ZRANB3: variants seen among roughly 807,000 people sequenced by gnomAD.
ZRANB3 encodes the protein zinc finger RANBP2-type containing 3, also known as DNA annealing helicase and endonuclease ZRANB3.
Under a neutral mutation model 133.8 loss-of-function variants are expected in ZRANB3, and 125 were observed. The ratio of observed to expected loss-of-function variants is 0.93; its 90% confidence interval spans 0.81 to 1.08. The LOEUF (loss-of-function observed/expected upper bound fraction) is 1.08, where lower values mean the gene tolerates loss of function less well. ZRANB3 is among the 50% of genes least tolerant of loss of function. The pLI is 0.00. For synonymous variants in ZRANB3, 387 were observed against 432.7 expected, an observed-to-expected ratio of 0.89 and a Z score of 1.31; for missense variants, 1,229 against 1,275.5, an observed-to-expected ratio of 0.96 and a Z score of 0.56.
intron 2 of ZRANB3, among the ~76,000 whole-genome samples, chr2:135,474,416 G>T (rs117652903): frequency 6.6e-6 from 1 of 152,116 alleles, no homozygotes; most frequent in Non-Finnish European, 1.5e-5. Flanking sequence ...AATGGTGGAG[G>T]TAGGGTATCG....
At chr2:135,356,921 C>T (rs889755439) in intron 3 of ZRANB3, among the ~76,000 whole-genome samples, 3 of 151,926 alleles carry the variant, frequency 2.0e-5, no homozygotes, top group Non-Finnish European at 2.9e-5. Flanking sequence ...TGAGCTCAAG[C>T]GATCCACCTA....
At chr2:135,473,148 T>A (rs1215612842) in intron 2 of ZRANB3, among the ~76,000 whole-genome samples, 3 of 152,214 alleles carry the variant, frequency 2.0e-5, no homozygotes, top group African/African-American at 7.2e-5. Flanking sequence ...AAATGATAAT[T>A]CTCATGATGT....
At chr2:135,438,028 T>C (rs1160726346) in intron 2 of ZRANB3, among the ~76,000 whole-genome samples, 1 of 152,124 alleles carries the variant, frequency 6.6e-6, no homozygotes, top group Non-Finnish European at 1.5e-5. Flanking sequence ...CTCTGGGACA[T>C]GTGTGCTCCT....
At chr2:135,444,546 C>T (rs1357248296) in intron 2 of ZRANB3, among the ~76,000 whole-genome samples, 1 of 151,846 alleles carries the variant, frequency 6.6e-6, no homozygotes. Flanking sequence ...AAAATAGGAA[C>T]CCCCCAAAAA....
At chr2:135,281,350 T>G (rs1475337072) in intron 8 of ZRANB3, among the ~76,000 whole-genome samples, 1 of 143,788 alleles carries the variant, frequency 7.0e-6, no homozygotes, top group African/African-American at 2.6e-5. Context: ...TTTTAAGCTC[T>G]TTTTTTTTTT....
chr2:135,430,397 C>G (rs1443077216), intron 2 of ZRANB3, among the ~76,000 whole-genome samples: 3 of 151,156 alleles, frequency 2.0e-5, no homozygotes, highest in Non-Finnish European at 4.4e-5. Context: ...TCAATAAATA[C>G]TGCTTGACTT....
At chr2:135,384,602 C>T (rs1252464695) in intron 3 of ZRANB3, among the ~76,000 whole-genome samples, 1 of 152,198 alleles carries the variant, frequency 6.6e-6, no homozygotes, top group Non-Finnish European at 1.5e-5. Context: ...CAATAAAATA[C>T]TGGCAAACCG....
chr2:135,501,417 GA>G, intron 2 of ZRANB3, among the ~76,000 whole-genome samples: 1 of 152,038 alleles, frequency 6.6e-6, no homozygotes. Context: ...TTCTTTGTCT[GA>G]AAATTCTTTA....
chr2:135,204,263 T>C (rs1186536326), intron 19 of ZRANB3, among the ~76,000 whole-genome samples: 1 of 152,190 alleles, frequency 6.6e-6, no homozygotes. Context: ...TTTTTGTTTT[T>C]GAGGTTGGCA....
intron 17 of ZRANB3, among the ~76,000 whole-genome samples, chr2:135,212,214 C>T (rs1694120289): frequency 6.6e-6 from 1 of 152,200 alleles, no homozygotes; most frequent in Non-Finnish European, 1.5e-5. Flanking sequence ...AGTTAAAGCA[C>T]AGTAAATTGT....
chr2:135,347,762 T>C (rs1358731056), intron 5 of ZRANB3, among the ~76,000 whole-genome samples: 3 of 152,140 alleles, frequency 2.0e-5, no homozygotes, highest in Non-Finnish European at 4.4e-5. Context: ...TTAGAGAACA[T>C]TTTGAGATAA....
chr2:135,237,074 T>G (rs1331858810), intron 12 of ZRANB3, among the ~76,000 whole-genome samples: 29 of 150,370 alleles, frequency 1.9e-4, no homozygotes, highest in East Asian at 5.8e-4. Context: ...AATCTACAAT[T>G]AACTCAAACA....
At chr2:135,287,669 C>CTTTTTTT (rs1681450202) in intron 8 of ZRANB3, among the ~76,000 whole-genome samples, 1 of 101,672 alleles carries the variant, frequency 9.8e-6, no homozygotes, top group Admixed American at 1.0e-4. Flanking sequence ...ATATTTCTTT[C>CTTTTTTT]CTTTTTTTTT....
chr2:135,444,017 A>C (rs1689908971), intron 2 of ZRANB3, among the ~76,000 whole-genome samples: 1 of 152,174 alleles, frequency 6.6e-6, no homozygotes, highest in South Asian at 2.1e-4. Context: ...GCAAACAAGC[A>C]CATGAAAAGC....
intron 2 of ZRANB3, among the ~76,000 whole-genome samples, chr2:135,424,367 G>A (rs1002296409): frequency 1.3e-5 from 2 of 152,008 alleles, no homozygotes; most frequent in African/African-American, 4.8e-5. Flanking sequence ...TCTAATATCT[G>A]AACAATGTAG....
intron 1 of ZRANB3, chr2:135,510,910 C>CA: frequency 8.3e-7 from 1 of 1,207,706 alleles, no homozygotes; most frequent in African/African-American, 1.5e-5. Context: ...GGCAGGTTGC[C>CA]AATGAAGAGT....
intron 12 of ZRANB3, among the ~76,000 whole-genome samples, chr2:135,231,193 C>T (rs779112332): frequency 1.3e-5 from 2 of 152,024 alleles, no homozygotes; most frequent in Non-Finnish European, 2.9e-5. Context: ...TCATTTAATC[C>T]TCACATCAGC....
intron 1 of ZRANB3, among the ~76,000 whole-genome samples, chr2:135,526,935 T>C (rs1437643838): frequency 6.6e-6 from 1 of 152,238 alleles, no homozygotes; most frequent in Non-Finnish European, 1.5e-5. Flanking sequence ...CCTCAACCAA[T>C]TGTCAACCAG....
At chr2:135,302,528 GTT>G (rs34855515) in intron 8 of ZRANB3, among the ~76,000 whole-genome samples, 63 of 141,272 alleles carry the variant, frequency 4.5e-4, no homozygotes, top group African/African-American at 1.4e-3. Flanking sequence ...ACCAGGGTTT[GTT>G]TTTTTTTTTT....
Sources: allele counts gnomAD v4.1 joint callset (sites outside exome capture counted in the v4.1 genomes callset), GRCh38; gene constraint gnomAD v4.1.1; transcripts MANE v1.5; gene names NCBI Gene and HGNC (gene_info 2026-07-23, HGNC 2026-07-21).